The following DCP1B variants were observed in gnomAD, a reference collection of about 807,000 sequenced individuals.
DCP1B encodes the protein mRNA-decapping enzyme 1B.
DCP1B carries 47 observed loss-of-function variants against 60.5 expected under a neutral mutation model. That is an observed-to-expected ratio of 0.78 (90% CI 0.61 to 0.99). The LOEUF is 0.99. Ranked by LOEUF, DCP1B falls within the 50% of genes least tolerant of loss-of-function variation. The pLI is 0.00. For synonymous variants in DCP1B, 267 were observed against 280.3 expected (o/e 0.95, Z 0.47); for missense variants, 725 against 756.8 (o/e 0.96, Z 0.49).
intron 6 of DCP1B, among the ~76,000 whole-genome samples, chr12:1,954,365 T>A (rs2030802095): frequency 6.6e-6 from 1 of 152,224 alleles, no homozygotes; most frequent in Non-Finnish European, 1.5e-5. Context: ...TACTAGTCTT[T>A]ATGTCTTTTG....
Position 1,993,411 on chromosome 12 carries a change from A to C in DCP1B, c.192-20T>G. ...GCAGACCTAAAAATCACAAGGAGTCAGGGGGAAATCAATAGACAAATTGCT... is the reference window on the plus strand; with the variant it reads ...GCAGACCTAAAAATCACAAGGAGTCCGGGGGAAATCAATAGACAAATTGCT... On this transcript the variant is annotated intron_variant, in intron 2 of 8. Transcript: ENST00000280665. 6.2e-7 allele frequency: 1 copy of C among 1,606,450 alleles called. No individual in the cohort carries two copies. The highest frequency in any genetic ancestry group is 8.5e-7 in the Non-Finnish European group (1 of 1,175,372).
At chr12:1,981,270 T>G (rs966086368) in intron 3 of DCP1B, among the ~76,000 whole-genome samples, 1 of 152,216 alleles carries the variant, frequency 6.6e-6, no homozygotes, top group African/African-American at 2.4e-5. Flanking sequence ...TAATGCCTAA[T>G]GGCTAATGCT....
intron 3 of DCP1B, among the ~76,000 whole-genome samples, chr12:1,980,808 A>C (rs1484307772): frequency 6.6e-6 from 1 of 151,982 alleles, no homozygotes; most frequent in Non-Finnish European, 1.5e-5. Context: ...CCATGGTTTA[A>C]CAGGGCCAGG....
At chr12:1,951,251 G>A (rs184818973) in intron 7 of DCP1B, among the ~76,000 whole-genome samples, 2 of 152,194 alleles carry the variant, frequency 1.3e-5, no homozygotes, top group Non-Finnish European at 2.9e-5. Flanking sequence ...CTCCAGCCTG[G>A]GCGACAAGAG....
At chr12:1,986,949 G>A (rs1368274141) in intron 3 of DCP1B, among the ~76,000 whole-genome samples, 1 of 152,096 alleles carries the variant, frequency 6.6e-6, no homozygotes, top group Non-Finnish European at 1.5e-5. Context: ...TTGCTATGGG[G>A]GGTTATGAAA....
intron 3 of DCP1B, among the ~76,000 whole-genome samples, chr12:1,977,125 C>T (rs894694830): frequency 6.6e-6 from 1 of 152,140 alleles, no homozygotes; most frequent in Non-Finnish European, 1.5e-5. Context: ...TAATCACTGC[C>T]TAAACTGATT....
At chr12:1,999,472 G>A (rs971991157) in intron 1 of DCP1B, among the ~76,000 whole-genome samples, 2 of 152,188 alleles carry the variant, frequency 1.3e-5, no homozygotes, top group Admixed American at 1.3e-4. Context: ...AGCACTCTGG[G>A]AGGCTGAGGC....
Position 1,952,526 on chromosome 12 carries a change from C to T in DCP1B, c.1414G>A (p.Ala472Thr). Reference protein sequence around the residue: ...EQQLHASNRPALAAKFPVLAQ... With the variant: ...EQQLHASNRPTLAAKFPVLAQ... ...AGCACAGGAAACTTAGCGGCCAAGG[C>T]TGGCCGGTTAGAGGCATGCAGCTGC... The change falls in exon 7 of 9, where the codon GCC becomes ACC. Residue 472 changes from alanine (A) to threonine (T), a missense_variant. Physicochemically the swap from Ala to Thr is moderately conservative, Grantham distance 58. Transcript: ENST00000280665. The T allele has an allele frequency of 6.2e-7, 1 of 1,614,174 alleles. No homozygotes were observed. Among genetic ancestry groups the T allele is most frequent in the Middle Eastern group, 1.6e-4 (1 of 6,062 alleles).
intron 2 of DCP1B, among the ~76,000 whole-genome samples, chr12:1,995,712 T>C (rs145621765): frequency 6.6e-6 from 1 of 152,354 alleles, no homozygotes; most frequent in Admixed American, 6.5e-5. Flanking sequence ...GCTGTTCTAG[T>C]CCTGCTTTTA....
chr12:1,965,813 C>A, intron 4 of DCP1B, 120 bp from the exon 5 acceptor site: 1 of 1,253,846 alleles, frequency 8.0e-7, no homozygotes, highest in Non-Finnish European at 1.1e-6. Context: ...TAGAAATAAG[C>A]TTGCTTAGGA....
chr12:1,952,893 A>G lies in DCP1B; in HGVS notation c.1047T>C (p.Ala349=). 6.2e-7 allele frequency: 1 copy of G among 1,614,154 alleles called. No individual in the cohort carries two copies. Among genetic ancestry groups the G allele is most frequent in the Non-Finnish European group, 8.5e-7 (1 of 1,180,032 alleles). Residue 349 remains alanine, a synonymous_variant, in exon 7 of 9, where the codon GCT becomes GCC. Transcript: ENST00000280665. ...TCTCGAACAGGTTCTGAGTTCTGGA[A>G]GCATTTTGTACACCACGAGAAGTTC... ...NIGTSRGVQN[A]SRTQNLFEKL...
chr12:1,969,808 G>C (rs951113278), intron 3 of DCP1B, among the ~76,000 whole-genome samples: 1 of 152,020 alleles, frequency 6.6e-6, no homozygotes, highest in Non-Finnish European at 1.5e-5. Flanking sequence ...ATAAATCTGA[G>C]TATGTTTGCG....
intron 3 of DCP1B, chr12:1,993,019 C>T: frequency 1.5e-6 from 1 of 649,966 alleles, no homozygotes; most frequent in South Asian, 1.9e-5. Flanking sequence ...ACTACAAATC[C>T]ATAAAGCTTC....
chr12:2,003,551 C>G (rs1374732154), intron 1 of DCP1B, among the ~76,000 whole-genome samples: 1 of 152,162 alleles, frequency 6.6e-6, no homozygotes, highest in Non-Finnish European at 1.5e-5. Context: ...GTGTTCTAGG[C>G]TTCTACCCCA....
chr12:1,947,613 T>C (rs2030485654), intron 8 of DCP1B, among the ~76,000 whole-genome samples: 1 of 152,164 alleles, frequency 6.6e-6, no homozygotes, highest in African/African-American at 2.4e-5. Context: ...ATATGGATCT[T>C]TTAAATTACA....
chr12:1,996,653 A>AC (rs1238368342), intron 2 of DCP1B, among the ~76,000 whole-genome samples: 1 of 36,670 alleles, frequency 2.7e-5, no homozygotes, highest in Non-Finnish European at 5.1e-5. Context: ...AAAAAAAAAA[A>AC]AACAACAAAC....
intron 5 of DCP1B, among the ~76,000 whole-genome samples, chr12:1,963,062 G>C (rs1434825711): frequency 6.6e-6 from 1 of 152,142 alleles, no homozygotes; most frequent in Non-Finnish European, 1.5e-5. Context: ...AGAGCTCAAG[G>C]CTTAATGAGA....
At chr12:1,947,890 T>C (rs1419811607) in intron 8 of DCP1B, among the ~76,000 whole-genome samples, 1 of 152,230 alleles carries the variant, frequency 6.6e-6, no homozygotes, top group African/African-American at 2.4e-5. Flanking sequence ...CTTGAACTCC[T>C]GGCCTCAAGC....
intron 5 of DCP1B, among the ~76,000 whole-genome samples, chr12:1,958,045 A>T (rs1376760320): frequency 7.2e-6 from 1 of 139,826 alleles, no homozygotes; most frequent in African/African-American, 2.6e-5. Flanking sequence ...CCTGGAAGGA[A>T]ACAGGGGAAA....
Sources: gnomAD v4.1 joint callset for allele counts (sites outside exome capture counted in the v4.1 genomes callset) on GRCh38, gnomAD v4.1.1 for gene constraint, MANE v1.5 for transcripts, NCBI Gene and HGNC (gene_info 2026-07-23, HGNC 2026-07-21) for gene names.